The following NDRG4 variants were observed in gnomAD, a reference collection of about 807,000 sequenced individuals.
The protein encoded by NDRG4 is protein NDRG4.
Under a neutral mutation model 55.8 loss-of-function variants are expected in NDRG4, and 38 were observed. The observed-to-expected ratio is 0.68, with a 90% confidence interval of 0.53 to 0.89. The LOEUF (loss-of-function observed/expected upper bound fraction) is 0.89. Ranked by LOEUF, NDRG4 falls within the 40% of genes least tolerant of loss-of-function variation. The probability of loss-of-function intolerance (pLI) is 0.00; values close to 1 mark genes in which losing one functional copy is unlikely to be tolerated. For missense variants in NDRG4, 455 were observed against 468.6 expected (o/e 0.97, Z 0.27); for synonymous variants, 190 against 182.7 (o/e 1.04, Z -0.32).
At chr16:58,486,853 G>A (rs1476115306) in intron 1 of NDRG4, among the ~76,000 whole-genome samples, 2 of 152,044 alleles carry the variant, frequency 1.3e-5, no homozygotes, top group African/African-American at 2.4e-5. Context: ...CAGCCCCTGT[G>A]TATCACCCCT....
intron 1 of NDRG4, among the ~76,000 whole-genome samples, chr16:58,477,414 CA>C (rs2033811703): frequency 1.3e-5 from 2 of 151,924 alleles, no homozygotes. Context: ...ATTTGAAACT[CA>C]AAAAATAATG....
At chr16:58,467,808 G>A (rs1178828231) in intron 1 of NDRG4, among the ~76,000 whole-genome samples, 3 of 152,186 alleles carry the variant, frequency 2.0e-5, no homozygotes, top group East Asian at 1.9e-4. Context: ...GCAAGACGTC[G>A]AGTGCAGCTT....
chr16:58,501,127 C>T (rs2037033532), intron 1 of NDRG4: 2 of 1,174,984 alleles, frequency 1.7e-6, no homozygotes, highest in Admixed American at 4.2e-5. Flanking sequence ...GGCAGACTCA[C>T]CCCCACCCCC....
intron 1 of NDRG4, chr16:58,500,598 G>A: frequency 3.8e-6 from 2 of 531,704 alleles, no homozygotes; most frequent in South Asian, 2.3e-5. Flanking sequence ...GGACCCGGGC[G>A]CTAGTGCCTG....
At chr16:58,507,080 C>G (rs1050881283) in intron 8 of NDRG4, 65 bp downstream of exon 8, 4 of 1,279,620 alleles carry the variant, frequency 3.1e-6, no homozygotes, top group African/African-American at 1.5e-5. Context: ...CACACTGCCC[C>G]CTGAGGGAGG....
downstream of NDRG4, chr16:58,513,669 TCTC>T (rs770707564): frequency 3.9e-5 from 6 of 152,144 alleles, no homozygotes; most frequent in African/African-American, 1.4e-4. Flanking sequence ...AAAATACAGC[TCTC>T]CTCAGCCAGG....
rs150999609 is a variant in NDRG4 at position 58,493,502 on chromosome 16, C to A, written c.73-1462C>A. On this transcript the variant is annotated intron_variant, in intron 2 of 15. Transcript: ENST00000258187. ...CAGGCTGGTCTCGAACTCCTGGCCT[C>A]AGGTGATCTGCCCGCCTCAGCTTCC... Among the ~76,000 whole-genome samples, 1,147 of 152,348 alleles carry A rather than the reference C, an allele frequency of 7.5e-3. 12 individuals carry two copies. The highest frequency in any genetic ancestry group is 0.011 in the Non-Finnish European group (763 of 68,024).
Position 58,504,141 on chromosome 16 carries a change from T to G in NDRG4, c.128-13T>G, listed in dbSNP as rs199570193. On this transcript the variant is annotated splice_polypyrimidine_tract_variant and intron_variant, in intron 2 of 14. Transcript: ENST00000570248. ...CCCCTCTGCTCAGCCATAGTGGAAG[T>G]GTGTCTTTGCAGACAAACTATGCTT... 19 of 1,614,024 alleles carry G rather than the reference T, an allele frequency of 1.2e-5. No homozygotes were observed. Among genetic ancestry groups the G allele is most frequent in the Non-Finnish European group, 1.4e-5 (17 of 1,180,016 alleles).
chr16:58,474,550 C>T (rs2033367505), intron 1 of NDRG4, among the ~76,000 whole-genome samples: 3 of 152,148 alleles, frequency 2.0e-5, no homozygotes, highest in African/African-American at 7.2e-5. Context: ...TCTCTCTCCC[C>T]TCCTGTGAAG....
intron 1 of NDRG4, among the ~76,000 whole-genome samples, chr16:58,502,766 C>T (rs2037327664): frequency 6.6e-6 from 1 of 152,192 alleles, no homozygotes; most frequent in Non-Finnish European, 1.5e-5. Flanking sequence ...ACCTCCAACT[C>T]ACTGGGCCAC....
At chr16:58,496,667 T>A (rs1369076315), upstream of NDRG4, among the ~76,000 whole-genome samples, 1 of 152,104 alleles carries the variant, frequency 6.6e-6, no homozygotes, top group East Asian at 1.9e-4. Context: ...CTACCGCATT[T>A]TCAGGGAGAC....
At chr16:58,473,945 C>T (rs2033226546) in intron 1 of NDRG4, among the ~76,000 whole-genome samples, 2 of 151,932 alleles carry the variant, frequency 1.3e-5, no homozygotes, top group African/African-American at 2.4e-5. Context: ...CACTCCAACG[C>T]TTACCACCCC....
At chr16:58,465,956 G>A (rs1042588606) in intron 1 of NDRG4, among the ~76,000 whole-genome samples, 1 of 152,152 alleles carries the variant, frequency 6.6e-6, no homozygotes, top group African/African-American at 2.4e-5. Flanking sequence ...GAAGGGAACC[G>A]CGCAGGCCAC....
chr16:58,502,232 G>A, intron 1 of NDRG4: 1 of 340,454 alleles, frequency 2.9e-6, no homozygotes, highest in Non-Finnish European at 5.9e-6. Flanking sequence ...CTGTGGGTCA[G>A]TGGTCAGTGG....
chr16:58,491,679 C>T (rs2035805680), intron 2 of NDRG4, among the ~76,000 whole-genome samples: 2 of 152,160 alleles, frequency 1.3e-5, no homozygotes, highest in Admixed American at 1.3e-4. Flanking sequence ...AGGCTGGCCT[C>T]AAACTCCCAA....
intron 2 of NDRG4, chr16:58,494,946 CTGTT>C: frequency 6.2e-7 from 1 of 1,613,398 alleles, no homozygotes; most frequent in East Asian, 2.2e-5. Flanking sequence ...GCCACCCCCT[CTGTT>C]TGCCTTCCCC....
intron 1 of NDRG4, among the ~76,000 whole-genome samples, chr16:58,477,823 G>A (rs928087720): frequency 6.6e-6 from 1 of 152,206 alleles, no homozygotes; most frequent in Admixed American, 6.5e-5. Flanking sequence ...TGTTTACATA[G>A]TGTCAAAGTA....
chr16:58,494,964 G>A, exon 3 of NDRG4: 8 of 1,613,676 alleles, frequency 5.0e-6, no homozygotes, highest in Non-Finnish European at 6.8e-6. Flanking sequence ...CTTCCCCTAG[G>A]AGAGCTCCGA....
At chr16:58,502,485 G>A (rs2037299615) in intron 1 of NDRG4, among the ~76,000 whole-genome samples, 1 of 152,188 alleles carries the variant, frequency 6.6e-6, no homozygotes. Context: ...CCAGGTTGGT[G>A]CCAGCTTGTC....
Sources: gnomAD v4.1 joint callset for allele counts (sites outside exome capture counted in the v4.1 genomes callset) on GRCh38, gnomAD v4.1.1 for gene constraint, MANE v1.5 for transcripts, NCBI Gene and HGNC (gene_info 2026-07-23, HGNC 2026-07-21) for gene names.